Variants in KIF2C observed in about 807,000 individuals in gnomAD.
KIF2C encodes the protein kinesin family member 2C.
Under a neutral mutation model 97.4 loss-of-function variants are expected in KIF2C, and 34 were observed. The ratio of observed to expected loss-of-function variants is 0.35; its 90% CI spans 0.27 to 0.46. The LOEUF (loss-of-function observed/expected upper bound fraction) is 0.46, where lower values mean the gene tolerates loss of function less well. Ranked by LOEUF, KIF2C falls within the 20% of genes least tolerant of loss-of-function variation. The probability of loss-of-function intolerance (pLI) is 1.00; values close to 1 mark genes in which losing one functional copy is unlikely to be tolerated. For synonymous variants in KIF2C, 313 were observed against 318.2 expected (o/e 0.98, Z 0.17); for missense variants, 750 against 907.6 (o/e 0.83, Z 2.23).
In KIF2C at chr1:44,739,957, G is replaced by A; in HGVS notation, c.25G>A (p.Ala9Thr). The change falls in exon 1 of 21, where the codon GCC becomes ACC. Residue 9 changes from alanine to threonine, a missense_variant. By Grantham distance (58) the Ala-to-Thr change is moderately conservative. Coordinates refer to ENST00000372224, the MANE Select transcript of KIF2C (RefSeq NM_006845.4). Reference sequence around the variant, plus strand: ...AATGGCCATGGACTCGTCGCTTCAGGCCCGCCTGTTTCCCGGTCTCGCTAT... The same window carrying A: ...AATGGCCATGGACTCGTCGCTTCAGACCCGCCTGTTTCCCGGTCTCGCTAT... The part of the protein sequence containing the change: MAMDSSLQ[A>T]RLFPGLAIKI... 1 of 1,614,214 alleles carries A rather than the reference G, an allele frequency of 6.2e-7. No individual in the cohort carries two copies. Among genetic ancestry groups the A allele is most frequent in the Non-Finnish European group, 8.5e-7 (1 of 1,180,044 alleles).
At position 44,761,899 on chromosome 1, in the gene KIF2C, C is replaced by G; in HGVS notation, c.1684-17C>G. On this transcript the variant is annotated splice_polypyrimidine_tract_variant and intron_variant, in intron 16 of 20. Transcript: ENST00000372224. ...ACCGTGCCTCTCAGCCTTTAATCAC[C>G]CACCCCTCTTTTGCAGATTGCCACG... 6.2e-7 allele frequency: 1 copy of G among 1,613,712 alleles called. No homozygotes were observed. The highest frequency in any genetic ancestry group is 1.1e-5 in the South Asian group (1 of 91,070).
Position 44,754,738 on chromosome 1 carries a change from G to C in KIF2C, c.664-12G>C. The C allele has an allele frequency of 2.6e-6, 4 of 1,552,228 alleles. No homozygotes were observed. Among genetic ancestry groups the C allele is most frequent in the East Asian group, 2.2e-5 (1 of 44,574 alleles). ...TAACAGTCTGCCCTTTTTCACTCTCGTCTCAAACCAGGAGTATGACAGTAG... is the reference window on the plus strand; with the variant it reads ...TAACAGTCTGCCCTTTTTCACTCTCCTCTCAAACCAGGAGTATGACAGTAG... On this transcript the variant is annotated splice_polypyrimidine_tract_variant and intron_variant, in intron 7 of 20. Coordinates refer to ENST00000372224, the MANE Select transcript of KIF2C (RefSeq NM_006845.4).
chr1:44,751,037 C>T (rs1309713668), intron 5 of KIF2C, among the ~76,000 whole-genome samples: 1 of 152,176 alleles, frequency 6.6e-6, no homozygotes, highest in Non-Finnish European at 1.5e-5. Flanking sequence ...TTTTCATAAA[C>T]AGAACACACT....
At chr1:44,757,860 C>G (rs201940010) in intron 11 of KIF2C, 48 bp from the exon 12 acceptor site, 9 of 1,584,518 alleles carry the variant, frequency 5.7e-6, no homozygotes, top group African/African-American at 5.4e-5. Context: ...GTGCTCTGCT[C>G]TAGGCCAACA....
In KIF2C at chr1:44,750,565, G is replaced by C; in HGVS notation, c.439+1G>C. The C allele has an allele frequency of 6.5e-7, 1 of 1,539,926 alleles. No homozygotes were observed. Among genetic ancestry groups the C allele is most frequent in the Non-Finnish European group, 8.8e-7 (1 of 1,137,000 alleles). ...TCCCGCAAGCAGTTTTCAGTTCCTC[G>C]TGAGTAACGAATGTGCCCCCAACCA... is the stretch of plus-strand genomic sequence containing the variant. On this transcript the variant is annotated splice_donor_variant, in intron 5 of 20. Transcript: ENST00000372224. LOFTEE classifies it high-confidence loss of function.
intron 13 of KIF2C, among the ~76,000 whole-genome samples, chr1:44,758,703 CA>C (rs1649973553): frequency 6.6e-6 from 1 of 151,964 alleles, no homozygotes; most frequent in African/African-American, 2.4e-5. Flanking sequence ...GGTGAAACCC[CA>C]TCTCTACTAA....
intron 10 of KIF2C, 32 bp downstream of exon 10, chr1:44,756,269 G>T (rs759926272): frequency 3.1e-6 from 5 of 1,606,440 alleles, no homozygotes; most frequent in South Asian, 1.1e-5. Flanking sequence ...TTCCCTCCTT[G>T]TGCCCTTCCA....
At position 44,742,026 on chromosome 1, in the gene KIF2C, T is replaced by C. The variant is rs1381776511; in HGVS notation, c.165+1019T>C. ...AAAAAAAAAAAAAAAAAAAGAATGG[T>C]CCCCTTCCAGATGCATTGGGATTTT... On this transcript the variant is annotated intron_variant, in intron 2 of 20. Coordinates refer to ENST00000372224, the MANE Select transcript of KIF2C (RefSeq NM_006845.4). 3.5e-5 allele frequency among the ~76,000 whole-genome samples: 5 copies of C among 142,830 alleles called. No homozygotes were observed. In the East Asian group the frequency reaches 6.1e-4, roughly 17 times the overall value. The allele number at this position is 142,830 out of a possible 152,430, so 93.7% of individuals were successfully genotyped here. A position where few individuals can be genotyped will look rare whatever the true frequency, so the allele number is the denominator to read the frequency against.
chr1:44,756,296 G>T (rs1421346258), intron 10 of KIF2C, 59 bp downstream of exon 10: 3 of 1,543,426 alleles, frequency 1.9e-6, no homozygotes, highest in Non-Finnish European at 2.7e-6. Flanking sequence ...TTTTTTGTGG[G>T]ACATCGTGGT....
chr1:44,752,025 T>C (rs1649550103), intron 5 of KIF2C, among the ~76,000 whole-genome samples: 1 of 151,682 alleles, frequency 6.6e-6, no homozygotes, highest in South Asian at 2.1e-4. Context: ...TTTCACCATA[T>C]TGGCCAGGCT....
chr1:44,745,928 G>C (rs1649171902), intron 2 of KIF2C, among the ~76,000 whole-genome samples: 2 of 152,000 alleles, frequency 1.3e-5, no homozygotes, highest in African/African-American at 4.8e-5. Flanking sequence ...CCAGGCTGGA[G>C]TGCAGTGGCG....
intron 11 of KIF2C, 61 bp from the exon 12 acceptor site, chr1:44,757,846 AG>A (rs1047818915): frequency 1.3e-6 from 2 of 1,518,132 alleles, no homozygotes; most frequent in Non-Finnish European, 1.8e-6. Context: ...TGAAGGAGCC[AG>A]TAGTGCTCTG....
intron 19 of KIF2C, 148 bp from the exon 20 acceptor site, chr1:44,766,678 T>C (rs1650485989): frequency 2.6e-6 from 2 of 764,924 alleles, no homozygotes; most frequent in Non-Finnish European, 4.1e-6. Flanking sequence ...AGCTAAGGAT[T>C]TCCTTGGGGA....
intron 19 of KIF2C, among the ~76,000 whole-genome samples, chr1:44,765,697 T>TGA (rs1181720678): frequency 1.3e-5 from 2 of 152,134 alleles, no homozygotes. Context: ...TAGCCTGGTG[T>TGA]GGTGGCGCGT....
chr1:44,756,235 C>T lies in KIF2C; in HGVS notation c.975C>T (p.Tyr325=), dbSNP rs773588458. The change falls in exon 10 of 21, where the codon TAC becomes TAT. Residue 325 remains tyrosine (Y), a splice_region_variant and synonymous_variant. Coordinates refer to ENST00000372224, the MANE Select transcript of KIF2C (RefSeq NM_006845.4). ...FDETASNEVV[Y]RFTARPLVQT... is the part of the protein sequence containing the mutation. ...AAACAGCTTCGAATGAAGTTGTCTA[C>T]AGGTTAGTCCCTTGCATCCATTTTT... 6.2e-7 allele frequency: 1 copy of T among 1,613,498 alleles called. No homozygotes were observed. Among genetic ancestry groups the T allele is most frequent in the Admixed American group, 1.7e-5 (1 of 59,986 alleles).
In KIF2C at chr1:44,759,328, C is replaced by T. The variant is rs1260723004; in HGVS notation, c.1347C>T (p.Ile449=). The change falls in exon 14 of 21, where the codon ATC becomes ATT. Residue 449 remains isoleucine (I), a synonymous_variant. Coordinates refer to ENST00000372224, the MANE Select transcript of KIF2C (RefSeq NM_006845.4). The part of the protein sequence containing the change: ...VNSADDVIKM[I]DMGSACRTSG... The stretch of plus-strand genomic sequence containing the variant: ...CTGCTGATGATGTCATCAAGATGAT[C>T]GACATGGGCAGCGCCTGCAGGTGAG... 6.2e-6 allele frequency: 10 copies of T among 1,613,944 alleles called. No homozygotes were observed. The highest frequency in any genetic ancestry group is 2.7e-5 in the African/African-American group (2 of 74,922).
chr1:44,747,511 C>T lies in KIF2C; in HGVS notation c.267+26C>T, dbSNP rs992479228. The T allele has an allele frequency of 3.2e-6, 5 of 1,580,410 alleles. No homozygotes were observed. The Admixed American group carries it at 9.0e-5, about 29-fold the overall frequency. On this transcript the variant is annotated intron_variant, in intron 3 of 20. Coordinates refer to ENST00000372224, the MANE Select transcript of KIF2C (RefSeq NM_006845.4). ...GTAGGTGCCTGTCATCTGGCTGCAG[C>T]CAGTGCGCCAGAGAATTCACTTTGC...
chr1:44,763,254 T>G (rs1650263042), intron 19 of KIF2C, among the ~76,000 whole-genome samples: 1 of 152,176 alleles, frequency 6.6e-6, no homozygotes, highest in Non-Finnish European at 1.5e-5. Context: ...CTGTAATCCC[T>G]ACTGTGGAAG....
At chr1:44,753,067 T>C in intron 5 of KIF2C, 65 bp from the exon 6 acceptor site, 3 of 1,548,506 alleles carry the variant, frequency 1.9e-6, no homozygotes, top group Non-Finnish European at 2.6e-6. Context: ...ACCAGGGCCA[T>C]GGGCTCAGGT....
Sources: gnomAD v4.1 joint callset for allele counts (sites outside exome capture counted in the v4.1 genomes callset) on GRCh38, gnomAD v4.1.1 for gene constraint, MANE v1.5 for transcripts, NCBI Gene and HGNC (gene_info 2026-07-23, HGNC 2026-07-21) for gene names.